The following FGD3 variants were observed in gnomAD, a reference collection of about 807,000 sequenced individuals.
FGD3 encodes the protein FYVE, RhoGEF and PH domain-containing protein 3.
Under a neutral mutation model 71.8 loss-of-function variants are expected in FGD3, and 45 were observed. The ratio of observed to expected loss-of-function variants is 0.63; its 90% CI spans 0.49 to 0.80. FGD3 has a LOEUF of 0.80. FGD3 is among the 30% of genes least tolerant of loss of function. The pLI is 0.00. For missense variants in FGD3, 844 were observed against 951.5 expected (o/e 0.89, Z 1.49); for synonymous variants, 378 against 392.8 (o/e 0.96, Z 0.44).
chr9:92,987,618 G>A (rs554676595), intron 3 of FGD3, among the ~76,000 whole-genome samples: 5 of 152,162 alleles, frequency 3.3e-5, no homozygotes, highest in East Asian at 1.9e-4. Context: ...CATGTGCTCC[G>A]TTTATCCTTT....
chr9:92,999,558 T>C lies in FGD3; in HGVS notation c.454-3367T>C, dbSNP rs1587842062. Among the ~76,000 whole-genome samples the C allele has an allele frequency of 2.0e-5, 3 of 151,390 alleles. No homozygotes were observed. The South Asian group carries it at 6.3e-4, about 32-fold the overall frequency. On this transcript the variant is annotated intron_variant, in intron 3 of 17. Transcript: ENST00000375482. ...GTCGCTTATGCTGGGAGCTGCAGACTGGAGCTTTTCCTATTCAGCCATCTT... is the reference window on the plus strand; with the variant it reads ...GTCGCTTATGCTGGGAGCTGCAGACCGGAGCTTTTCCTATTCAGCCATCTT...
At position 93,029,859 on chromosome 9, in the gene FGD3, T is replaced by C; in HGVS notation, c.1558-15T>C. On this transcript the variant is annotated splice_polypyrimidine_tract_variant and intron_variant, in intron 14 of 17. Coordinates refer to ENST00000375482, the MANE Select transcript of FGD3 (RefSeq NM_001083536.2). ...ATGATTCAGAAGCTGATGGCATCTATTTGCCTCCTTATAGCTCGAGCCCAG... is the reference window on the plus strand; with the variant it reads ...ATGATTCAGAAGCTGATGGCATCTACTTGCCTCCTTATAGCTCGAGCCCAG... The C allele has an allele frequency of 6.2e-7, 1 of 1,610,338 alleles. No homozygotes were observed. Among genetic ancestry groups the C allele is most frequent in the Non-Finnish European group, 8.5e-7 (1 of 1,177,934 alleles).
intron 15 of FGD3, among the ~76,000 whole-genome samples, chr9:93,032,055 A>C (rs1862376880): frequency 6.6e-6 from 1 of 152,226 alleles, no homozygotes; most frequent in African/African-American, 2.4e-5. Flanking sequence ...CATCTGAATC[A>C]CATTCCACTG....
At chr9:93,010,452 AGAGG>A (rs2118733696) in intron 7 of FGD3, 68 bp downstream of exon 7, 1 of 1,454,100 alleles carries the variant, frequency 6.9e-7, no homozygotes, top group African/African-American at 1.7e-5. Context: ...GGGTGGGGAG[AGAGG>A]GAGAGAGAGA....
Position 93,035,645 on chromosome 9 carries a change from G to A in FGD3, c.*56G>A, listed in dbSNP as rs1862572727. 1 of 1,521,942 alleles carries A rather than the reference G, an allele frequency of 6.6e-7. No individual in the cohort carries two copies. The highest frequency in any genetic ancestry group is 2.3e-5 in the East Asian group (1 of 43,852). 94.3% of individuals were successfully genotyped at this position (1,521,942 alleles called of 1,614,324 possible). A position where few individuals can be genotyped will look rare whatever the true frequency, so the allele number is the denominator to read the frequency against. On this transcript the variant is annotated 3_prime_UTR_variant, in exon 18 of 18. Transcript: ENST00000375482. ...ACATTGGACCTGTGCTGTCCTGGGA[G>A]GTGGTGTTGGAGGCCCCATGAAGAG...
chr9:93,032,905 G>T lies in FGD3; in HGVS notation c.1785+32G>T, dbSNP rs762139761. 3.1e-6 allele frequency: 5 copies of T among 1,600,140 alleles called. No homozygotes were observed. The African/African-American group carries it at 5.4e-5, about 17-fold the overall frequency. On this transcript the variant is annotated intron_variant, in intron 16 of 17. Coordinates refer to ENST00000375482, the MANE Select transcript of FGD3 (RefSeq NM_001083536.2). ...GCTCCCAGCTCCTGCTCCCCTCCTG[G>T]TGGCGCGGCAGAGCCTCCAGACACC...
intron 14 of FGD3, 152 bp downstream of exon 14, chr9:93,022,541 C>A: frequency 1.4e-6 from 1 of 713,368 alleles, no homozygotes; most frequent in Non-Finnish European, 2.3e-6. Context: ...CTCACTGTGA[C>A]TGGGGGCCTG....
At chr9:92,970,785 AC>A (rs1403521442) in intron 1 of FGD3, among the ~76,000 whole-genome samples, 1 of 152,204 alleles carries the variant, frequency 6.6e-6, no homozygotes, top group African/African-American at 2.4e-5. Flanking sequence ...ATGTATGTGC[AC>A]ATGTGCGTTT....
intron 1 of FGD3, among the ~76,000 whole-genome samples, chr9:92,972,999 T>C (rs1026367741): frequency 6.6e-6 from 1 of 152,148 alleles, no homozygotes; most frequent in Non-Finnish European, 1.5e-5. Context: ...GACATGATAG[T>C]AGTTTTTAAT....
intron 9 of FGD3, among the ~76,000 whole-genome samples, chr9:93,014,453 G>T (rs1861580867): frequency 6.6e-6 from 1 of 151,930 alleles, no homozygotes; most frequent in Non-Finnish European, 1.5e-5. Context: ...AACAGATGTG[G>T]TTCTTCTTTC....
At chr9:92,968,900 C>T (rs922156329) in intron 1 of FGD3, among the ~76,000 whole-genome samples, 3 of 152,130 alleles carry the variant, frequency 2.0e-5, no homozygotes, top group African/African-American at 7.2e-5. Context: ...TAAGCCACTG[C>T]GCCCAGCCTG....
chr9:92,984,128 G>A (rs1860101586), intron 3 of FGD3, among the ~76,000 whole-genome samples: 1 of 152,226 alleles, frequency 6.6e-6, no homozygotes, highest in Non-Finnish European at 1.5e-5. Context: ...TATGTCCCCA[G>A]GCCTTACCTA....
At chr9:93,024,229 AGT>A (rs1345952680) in intron 14 of FGD3, among the ~76,000 whole-genome samples, 1 of 152,248 alleles carries the variant, frequency 6.6e-6, no homozygotes, top group African/African-American at 2.4e-5. Flanking sequence ...GTGTACTCAT[AGT>A]GTGAGTGCAG....
intron 3 of FGD3, among the ~76,000 whole-genome samples, chr9:92,988,213 T>A (rs1416832100): frequency 6.6e-6 from 1 of 152,140 alleles, no homozygotes; most frequent in Non-Finnish European, 1.5e-5. Flanking sequence ...CACCACACAC[T>A]AGTTGAAGAG....
intron 8 of FGD3, among the ~76,000 whole-genome samples, chr9:93,012,100 G>A (rs188086428): frequency 3.4e-5 from 5 of 149,242 alleles, no homozygotes; most frequent in Non-Finnish European, 5.9e-5. Flanking sequence ...CTTGCAGTGA[G>A]CCGAGATCGC....
chr9:92,968,626 C>T (rs552820816), intron 1 of FGD3, among the ~76,000 whole-genome samples: 120 of 142,746 alleles, frequency 8.4e-4, no homozygotes, highest in African/African-American at 2.9e-3. Context: ...TTTTTTGACA[C>T]GGAGTCTCAC....
intron 8 of FGD3, among the ~76,000 whole-genome samples, chr9:93,011,753 G>A (rs1587853807): frequency 6.6e-6 from 1 of 151,994 alleles, no homozygotes; most frequent in African/African-American, 2.4e-5. Flanking sequence ...TTACTTGGGA[G>A]GCTGAGGCAG....
chr9:92,991,502 T>C (rs1860409835), intron 3 of FGD3, among the ~76,000 whole-genome samples: 1 of 152,206 alleles, frequency 6.6e-6, no homozygotes, highest in Admixed American at 6.6e-5. Flanking sequence ...TTTATTCCAT[T>C]GTGGTAAGAT....
chr9:92,958,398 G>T (rs1438529244), intron 1 of FGD3, among the ~76,000 whole-genome samples: 1 of 152,206 alleles, frequency 6.6e-6, no homozygotes, highest in Non-Finnish European at 1.5e-5. Context: ...CATATTCAGA[G>T]ACACTCTCTT....
Sources: gnomAD v4.1 joint callset for allele counts (sites outside exome capture counted in the v4.1 genomes callset) on GRCh38, gnomAD v4.1.1 for gene constraint, MANE v1.5 for transcripts, NCBI Gene and HGNC (gene_info 2026-07-23, HGNC 2026-07-21) for gene names.